Variants in CILK1 observed in about 807,000 individuals in gnomAD.
CILK1 encodes the protein ciliogenesis associated kinase 1.
CILK1 carries 47 observed loss-of-function variants against 79.2 expected under a neutral mutation model. That is an observed-to-expected ratio of 0.59 (90% confidence interval 0.47 to 0.76). The LOEUF is 0.76. Ranked by LOEUF, CILK1 falls within the 30% of genes least tolerant of loss-of-function variation. The probability of loss-of-function intolerance (pLI) is 0.00; values close to 1 mark genes in which losing one functional copy is unlikely to be tolerated. For missense variants in CILK1, 660 were observed against 769.5 expected (o/e 0.86, Z 1.68); for synonymous variants, 266 against 275.9 (o/e 0.96, Z 0.36).
chr6:53,008,639 T>C (rs1315348090), intron 12 of CILK1, among the ~76,000 whole-genome samples: 7 of 152,030 alleles, frequency 4.6e-5, no homozygotes. Flanking sequence ...TTGGCCAGGC[T>C]GGTCTCAAAC....
intron 5 of CILK1, among the ~76,000 whole-genome samples, chr6:53,025,802 CCT>C (rs1201223964): frequency 2.0e-5 from 3 of 152,030 alleles, no homozygotes; most frequent in African/African-American, 7.2e-5. Flanking sequence ...ACTATCTAGC[CCT>C]CTGTTAAGTA....
At chr6:53,012,899 T>C (rs1050139823) in intron 9 of CILK1, among the ~76,000 whole-genome samples, 2 of 152,202 alleles carry the variant, frequency 1.3e-5, no homozygotes, top group Middle Eastern at 3.4e-3. Flanking sequence ...ATAGAACCCC[T>C]TGTCAGGTTA....
chr6:53,017,767 A>G (rs1032135232), intron 7 of CILK1, among the ~76,000 whole-genome samples: 4 of 152,228 alleles, frequency 2.6e-5, no homozygotes, highest in African/African-American at 9.6e-5. Flanking sequence ...GGATTTACCC[A>G]CCAACCGCTT....
At chr6:53,009,291 A>G in intron 12 of CILK1, 148 bp downstream of exon 12, 1 of 788,002 alleles carries the variant, frequency 1.3e-6, no homozygotes, top group Non-Finnish European at 2.2e-6. Context: ...CGAGAAAGAG[A>G]GGAGGATAGG....
chr6:53,021,835 CAGGTCCTTCAGG>C (rs1307818521), intron 5 of CILK1, among the ~76,000 whole-genome samples: 1 of 151,568 alleles, frequency 6.6e-6, no homozygotes, highest in Non-Finnish European at 1.5e-5. Context: ...CAGCCTGAGG[CAGGTCCTTCAGG>C]AGGTACCTAG....
At chr6:53,037,322 A>C (rs897962615) in intron 3 of CILK1, among the ~76,000 whole-genome samples, 2 of 152,184 alleles carry the variant, frequency 1.3e-5, no homozygotes, top group African/African-American at 4.8e-5. Flanking sequence ...GAGGAGAATA[A>C]TGAATCCAGT....
At chr6:53,011,704 A>G (rs1764579874) in intron 11 of CILK1, 65 bp downstream of exon 11, 1 of 1,464,028 alleles carries the variant, frequency 6.8e-7, no homozygotes, top group Admixed American at 1.7e-5. Flanking sequence ...ACCTTTGTGA[A>G]TATGTGATTC....
intron 2 of CILK1, among the ~76,000 whole-genome samples, chr6:53,040,319 T>C (rs531340987): frequency 5.5e-4 from 84 of 152,244 alleles, no homozygotes; most frequent in Non-Finnish European, 1.1e-3. Flanking sequence ...ATGACTTCCA[T>C]CTCAGTACAA....
intron 11 of CILK1, 70 bp downstream of exon 11, chr6:53,011,699 T>C (rs1764579542): frequency 6.9e-7 from 1 of 1,440,578 alleles, no homozygotes; most frequent in East Asian, 2.3e-5. Flanking sequence ...ACAGAACCTT[T>C]GTGAATATGT....
intron 4 of CILK1, among the ~76,000 whole-genome samples, chr6:53,031,362 A>G (rs1336734270): frequency 6.6e-6 from 1 of 152,230 alleles, no homozygotes; most frequent in Admixed American, 6.5e-5. Flanking sequence ...TCCTCTTTCC[A>G]TGATACAAAC....
intron 5 of CILK1, among the ~76,000 whole-genome samples, chr6:53,022,983 G>C (rs1765341894): frequency 6.7e-6 from 1 of 150,288 alleles, no homozygotes; most frequent in African/African-American, 2.5e-5. Flanking sequence ...GCCCAGGCTA[G>C]AGTGCAGTGG....
intron 8 of CILK1, among the ~76,000 whole-genome samples, chr6:53,014,800 TG>T (rs1764797899): frequency 1.3e-5 from 2 of 152,250 alleles, no homozygotes; most frequent in South Asian, 4.1e-4. Context: ...AAGTCTTAAC[TG>T]ATTTGGGGGG....
chr6:53,011,566 T>C (rs565475344), intron 11 of CILK1, among the ~76,000 whole-genome samples: 12 of 152,180 alleles, frequency 7.9e-5, no homozygotes, highest in Admixed American at 7.2e-4. Context: ...GCCATTGCAC[T>C]CCAGCCTGGG....
In CILK1 at chr6:53,049,975, C is replaced by A. The variant is rs116853628; in HGVS notation, c.-172-8567G>T. 1.1e-4 allele frequency among the ~76,000 whole-genome samples: 16 copies of A among 152,278 alleles called. No homozygotes were observed. The East Asian group carries it at 2.7e-3, about 26-fold the overall frequency. On this transcript the variant is annotated intron_variant, in intron 1 of 13. Coordinates refer to ENST00000676107, the MANE Select transcript of CILK1 (RefSeq NM_014920.5). ...AGTTCAAGCACTCTGCCCACCTCAG[C>A]CTCCCAAAGTGTTGGGGTTACAGGT...
chr6:53,005,617 G>A (rs867199141), intron 13 of CILK1, among the ~76,000 whole-genome samples: 22 of 151,986 alleles, frequency 1.4e-4, no homozygotes, highest in African/African-American at 4.1e-4. Context: ...TACCACGCTG[G>A]CCCAAGCTAG....
At chr6:53,053,589 A>G (rs946763207) in intron 1 of CILK1, among the ~76,000 whole-genome samples, 1 of 152,224 alleles carries the variant, frequency 6.6e-6, no homozygotes, top group African/African-American at 2.4e-5. Context: ...CAGAAATGAG[A>G]CAGGAACCCA....
chr6:53,005,790 G>A (rs533246298), intron 13 of CILK1, among the ~76,000 whole-genome samples: 2 of 152,060 alleles, frequency 1.3e-5, no homozygotes, highest in Non-Finnish European at 2.9e-5. Context: ...GGGACTCCAC[G>A]TCACTCAGAA....
intron 5 of CILK1, among the ~76,000 whole-genome samples, chr6:53,021,345 G>T (rs535961926): frequency 2.0e-5 from 3 of 151,754 alleles, no homozygotes; most frequent in Non-Finnish European, 1.5e-5. Flanking sequence ...GGGGGGGTTG[G>T]GGGGGTAAAT....
intron 1 of CILK1, among the ~76,000 whole-genome samples, chr6:53,048,143 G>A (rs1388870192): frequency 2.0e-5 from 3 of 152,108 alleles, no homozygotes; most frequent in Non-Finnish European, 4.4e-5. Context: ...AATAAGGAAT[G>A]CAATAGTCCC....
Sources: allele counts gnomAD v4.1 joint callset (sites outside exome capture counted in the v4.1 genomes callset), GRCh38; gene constraint gnomAD v4.1.1; transcripts MANE v1.5; gene names NCBI Gene and HGNC (gene_info 2026-07-23, HGNC 2026-07-21).